The following NRXN1 variants were observed in gnomAD, a reference collection of about 807,000 sequenced individuals.
NRXN1 encodes the protein neurexin-1.
NRXN1 carries 39 observed loss-of-function variants against 150.9 expected under a neutral mutation model. The observed-to-expected ratio is 0.26, with a 90% CI of 0.20 to 0.34. NRXN1 has a LOEUF of 0.34. NRXN1 is among the 10% of genes least tolerant of loss of function. NRXN1 has a pLI of 1.00. For synonymous variants in NRXN1, 924 were observed against 757.0 expected (o/e 1.22, Z -3.62); for missense variants, 1,815 against 1,949.9 (o/e 0.93, Z 1.30).
intron 21 of NRXN1, among the ~76,000 whole-genome samples, chr2:50,035,830 C>G (rs922061336): frequency 6.6e-6 from 1 of 152,074 alleles, no homozygotes; most frequent in Admixed American, 6.6e-5. Context: ...TCTCAAAATA[C>G]ATTTATGTAC....
intron 17 of NRXN1, among the ~76,000 whole-genome samples, chr2:50,368,078 G>T (rs547139637): frequency 6.6e-6 from 1 of 151,992 alleles, no homozygotes; most frequent in Non-Finnish European, 1.5e-5. Flanking sequence ...GACTGTCTTT[G>T]TCATTGCTTC....
At chr2:50,610,912 T>G (rs1056216498) in intron 8 of NRXN1, among the ~76,000 whole-genome samples, 1 of 149,404 alleles carries the variant, frequency 6.7e-6, no homozygotes, top group African/African-American at 2.5e-5. Context: ...GTTTCACTAA[T>G]TTTTTGTATT....
chr2:50,492,754 C>T (rs2091330139), intron 15 of NRXN1, among the ~76,000 whole-genome samples: 1 of 152,002 alleles, frequency 6.6e-6, no homozygotes, highest in South Asian at 2.1e-4. Context: ...TGACTTCAGC[C>T]CAGGGCTGGT....
intron 15 of NRXN1, 102 bp from the exon 16 acceptor site, chr2:50,472,573 T>C (rs753007574): frequency 3.7e-5 from 32 of 853,472 alleles, no homozygotes; most frequent in Non-Finnish European, 4.4e-5. Context: ...TTCATTAAGT[T>C]AATAAAAAAT....
chr2:50,212,296 T>G (rs1158267168), intron 18 of NRXN1, among the ~76,000 whole-genome samples: 3 of 133,280 alleles, frequency 2.3e-5, no homozygotes, highest in Non-Finnish European at 1.6e-5. Context: ...TGCTTTGAAT[T>G]TGCAAAAAAA....
chr2:50,692,698 T>TAGGCCAAGG (rs1559131559), intron 5 of NRXN1, among the ~76,000 whole-genome samples: 1 of 152,168 alleles, frequency 6.6e-6, no homozygotes, highest in Non-Finnish European at 1.5e-5. Flanking sequence ...GGGCTTTTTT[T>TAGGCCAAGG]TCATTTTCTC....
chr2:50,079,744 G>C (rs929177645), intron 19 of NRXN1, among the ~76,000 whole-genome samples: 2 of 151,950 alleles, frequency 1.3e-5, no homozygotes, highest in Non-Finnish European at 2.9e-5. Context: ...ATAATGGTGA[G>C]ACAAAGTTGA....
chr2:50,769,376 T>C (rs1236615172), intron 5 of NRXN1, among the ~76,000 whole-genome samples: 1 of 152,116 alleles, frequency 6.6e-6, no homozygotes, highest in Non-Finnish European at 1.5e-5. Context: ...ACTAACATCA[T>C]TTCCCTAGGG....
chr2:50,252,258 CTTTTTTT>C (rs143522284), intron 17 of NRXN1, among the ~76,000 whole-genome samples: 1 of 69,722 alleles, frequency 1.4e-5, no homozygotes, highest in Non-Finnish European at 2.5e-5. Context: ...TTTTTCTTTT[CTTTTTTT>C]TTTTTTTTTT....
At chr2:50,097,797 G>A (rs1177897165) in intron 18 of NRXN1, among the ~76,000 whole-genome samples, 2 of 152,018 alleles carry the variant, frequency 1.3e-5, no homozygotes, top group African/African-American at 2.4e-5. Context: ...ATGCCACCAC[G>A]CCCAGCTAAT....
At chr2:50,818,300 C>T (rs1333943642) in intron 5 of NRXN1, among the ~76,000 whole-genome samples, 1 of 151,312 alleles carries the variant, frequency 6.6e-6, no homozygotes, top group Non-Finnish European at 1.5e-5. Context: ...TTAAGCATTC[C>T]AATTTGGAAA....
At chr2:50,785,948 C>T (rs1218928544) in intron 5 of NRXN1, among the ~76,000 whole-genome samples, 1 of 151,966 alleles carries the variant, frequency 6.6e-6, no homozygotes, top group African/African-American at 2.4e-5. Context: ...GTTTGCCTTG[C>T]TTGCCAATGT....
At chr2:50,349,096 G>C (rs114648052) in intron 17 of NRXN1, among the ~76,000 whole-genome samples, 1,965 of 152,200 alleles carry the variant, frequency 0.013, 41 homozygotes, top group African/African-American at 0.045. Flanking sequence ...ATAGTGTCCA[G>C]TGGCCCCCAA....
At chr2:50,421,328 C>T (rs2083981347) in intron 17 of NRXN1, among the ~76,000 whole-genome samples, 1 of 152,032 alleles carries the variant, frequency 6.6e-6, no homozygotes, top group South Asian at 2.1e-4. Flanking sequence ...ATTCTCCCTT[C>T]CCCCTTCACT....
At chr2:50,636,892 A>C (rs1683310216) in intron 5 of NRXN1, among the ~76,000 whole-genome samples, 1 of 152,172 alleles carries the variant, frequency 6.6e-6, no homozygotes, top group Non-Finnish European at 1.5e-5. Flanking sequence ...TACGCATAGA[A>C]AATAAAATAT....
intron 5 of NRXN1, among the ~76,000 whole-genome samples, chr2:50,812,303 T>C (rs1668325769): frequency 6.6e-6 from 1 of 152,196 alleles, no homozygotes; most frequent in African/African-American, 2.4e-5. Context: ...AATATTTAAA[T>C]ACATGGAAAT....
intron 21 of NRXN1, among the ~76,000 whole-genome samples, chr2:49,982,090 C>T (rs767027578): frequency 2.0e-5 from 3 of 152,118 alleles, no homozygotes; most frequent in Admixed American, 6.6e-5. Flanking sequence ...TCTTCTCCAA[C>T]CATTTCCTGC....
intron 21 of NRXN1, among the ~76,000 whole-genome samples, chr2:50,029,691 G>C (rs1688901611): frequency 6.6e-6 from 1 of 152,082 alleles, no homozygotes; most frequent in African/African-American, 2.4e-5. Context: ...GGAACCGTAA[G>C]AATAAATTTC....
At chr2:50,162,723 A>T (rs1012767942) in intron 18 of NRXN1, among the ~76,000 whole-genome samples, 9 of 152,168 alleles carry the variant, frequency 5.9e-5, no homozygotes, top group Non-Finnish European at 1.2e-4. Context: ...AAATTAATCC[A>T]GTAGCAATTA....
Sources: allele counts gnomAD v4.1 joint callset (sites outside exome capture counted in the v4.1 genomes callset), GRCh38; gene constraint gnomAD v4.1.1; transcripts MANE v1.5; gene names NCBI Gene and HGNC (gene_info 2026-07-23, HGNC 2026-07-21).